RMDN2: variants seen among roughly 807,000 people sequenced by gnomAD.
RMDN2 encodes the protein regulator of microtubule dynamics 2.
Under a neutral mutation model 52.8 loss-of-function variants are expected in RMDN2, and 61 were observed. The observed-to-expected ratio is 1.16, with a 90% CI of 0.94 to 1.43. The LOEUF (loss-of-function observed/expected upper bound fraction) is 1.43, where lower values mean the gene tolerates loss of function less well. Among genes scored for constraint, RMDN2 ranks in the 40% most tolerant of loss-of-function variants. The pLI is 0.00. For synonymous variants in RMDN2, 180 were observed against 153.1 expected (o/e 1.18, Z -1.30); for missense variants, 592 against 475.3 (o/e 1.25, Z -2.28).
intron 4 of RMDN2, among the ~76,000 whole-genome samples, chr2:37,978,015 C>G (rs1386426123): frequency 2.6e-5 from 4 of 152,202 alleles, no homozygotes; most frequent in Admixed American, 2.6e-4. Context: ...CGCCACTGCA[C>G]TCCAGCCTGG....
chr2:38,049,761 G>T (rs1164345681), intron 10 of RMDN2, among the ~76,000 whole-genome samples: 1 of 151,986 alleles, frequency 6.6e-6, no homozygotes, highest in African/African-American at 2.4e-5. Context: ...GTAGAGATGG[G>T]GTCTTGGTAT....
chr2:37,969,883 C>T (rs999299323), intron 2 of RMDN2, among the ~76,000 whole-genome samples: 1 of 151,260 alleles, frequency 6.6e-6, no homozygotes, highest in African/African-American at 2.4e-5. Context: ...TTTTTCTCTC[C>T]TGCTTGCTTC....
downstream of RMDN2, among the ~76,000 whole-genome samples, chr2:38,021,733 G>A (rs1386174023): frequency 2.0e-5 from 3 of 152,162 alleles, no homozygotes; most frequent in African/African-American, 4.8e-5. Context: ...AGGGTTGGCC[G>A]TACAAATCCC....
At chr2:37,986,510 T>C (rs548122061) in intron 5 of RMDN2, among the ~76,000 whole-genome samples, 1 of 152,060 alleles carries the variant, frequency 6.6e-6, no homozygotes, top group Non-Finnish European at 1.5e-5. Flanking sequence ...TTATCTCTCA[T>C]GAATATAGAA....
Position 37,975,233 on chromosome 2 carries a change from A to T in RMDN2, c.649A>T (p.Met217Leu). ...KEKFRDEIEFMWRFARAYGDM... is the reference protein window; with the variant it reads ...KEKFRDEIEFLWRFARAYGDM... ...TCAGTTTAGAGATGAAATAGAGTTT[A>T]TGTGGCGATTTGCTCGTGCTTATGG... The change falls in exon 4 of 11, where the codon ATG (methionine) becomes TTG (leucine). Residue 217 changes from methionine to leucine, a missense_variant. Transcript: ENST00000354545. The T allele has an allele frequency of 1.2e-6, 2 of 1,606,076 alleles. No homozygotes were observed. The highest frequency in any genetic ancestry group is 1.7e-6 in the Non-Finnish European group (2 of 1,172,910).
intron 10 of RMDN2, among the ~76,000 whole-genome samples, chr2:38,014,218 A>G (rs1678418356): frequency 6.6e-6 from 1 of 152,194 alleles, no homozygotes; most frequent in African/African-American, 2.4e-5. Flanking sequence ...GTCGCAAAAA[A>G]AAAATTAATA....
chr2:37,949,076 A>G (rs969856416), intron 2 of RMDN2, among the ~76,000 whole-genome samples: 9 of 152,308 alleles, frequency 5.9e-5, no homozygotes, highest in Admixed American at 5.9e-4. Context: ...GAAAATGACA[A>G]TCAGACCTTA....
At chr2:38,028,909 G>A (rs1384998460) in intron 10 of RMDN2, among the ~76,000 whole-genome samples, 1 of 152,120 alleles carries the variant, frequency 6.6e-6, no homozygotes, top group Non-Finnish European at 1.5e-5. Flanking sequence ...GTTGGAAATT[G>A]CCTCCTGACC....
rs1298972790 is a variant in RMDN2, at chr2:38,055,494, T to A, written c.1714-11488T>A. Among the ~76,000 whole-genome samples the A allele has an allele frequency of 3.9e-5, 6 of 152,310 alleles. No individual in the cohort carries two copies. The East Asian group carries it at 1.2e-3, about 29-fold the overall frequency. ...AAGTAGGAAATTAGTTGTCTCACTT[T>A]GGAGGAAAATCAGAAGCGTAGGAAG... On this transcript the variant is annotated intron_variant, in intron 10 of 10. Coordinates refer to the RMDN2 transcript ENST00000234195.
intron 5 of RMDN2, among the ~76,000 whole-genome samples, chr2:37,987,505 T>C (rs1032547647): frequency 5.9e-5 from 9 of 151,982 alleles, no homozygotes; most frequent in Non-Finnish European, 1.2e-4. Flanking sequence ...ATGGAGACAG[T>C]AAAAGGATCA....
chr2:37,998,906 A>C (rs939436675), intron 8 of RMDN2, among the ~76,000 whole-genome samples: 4 of 152,054 alleles, frequency 2.6e-5, no homozygotes, highest in Admixed American at 6.6e-5. Flanking sequence ...TATCACTCCC[A>C]TTTCTTCACC....
intron 10 of RMDN2, chr2:38,030,868 CTTAAATTATTT>C (rs1325051787): frequency 6.6e-6 from 1 of 152,048 alleles, no homozygotes; most frequent in Non-Finnish European, 1.5e-5. Flanking sequence ...CATACAATGT[CTTAAATTATTT>C]AAAATGTAAT....
At chr2:37,943,944 T>C (rs1275020261) in intron 2 of RMDN2, among the ~76,000 whole-genome samples, 2 of 152,188 alleles carry the variant, frequency 1.3e-5, no homozygotes, top group African/African-American at 4.8e-5. Context: ...GATGGTCATA[T>C]GGTCATGCCA....
At chr2:38,016,979 G>GA (rs926217150) in intron 10 of RMDN2, among the ~76,000 whole-genome samples, 36 of 151,320 alleles carry the variant, frequency 2.4e-4, no homozygotes, top group African/African-American at 8.0e-4. Context: ...TTGTTACAAT[G>GA]AAAAAAAAGA....
intron 2 of RMDN2, chr2:37,952,087 GT>G: frequency 3.1e-6 from 5 of 1,613,034 alleles, no homozygotes; most frequent in Non-Finnish European, 4.2e-6. Flanking sequence ...AAAAATTCTG[GT>G]TGCTTTATCC....
At chr2:37,924,558 G>A (rs1666130273), upstream of RMDN2, among the ~76,000 whole-genome samples, 1 of 151,912 alleles carries the variant, frequency 6.6e-6, no homozygotes, top group Non-Finnish European at 1.5e-5. Context: ...TAGAGACAGG[G>A]GTTTCGCCAC....
intron 10 of RMDN2, among the ~76,000 whole-genome samples, chr2:38,009,159 T>C (rs1474606287): frequency 6.6e-6 from 1 of 152,240 alleles, no homozygotes; most frequent in Non-Finnish European, 1.5e-5. Context: ...ATTTCAACTT[T>C]GGTGAATCTG....
chr2:37,952,529 G>T (rs1218714451), intron 2 of RMDN2: 1 of 405,968 alleles, frequency 2.5e-6, no homozygotes, highest in Non-Finnish European at 4.4e-6. Context: ...AAGCCTTGAT[G>T]TATGGACTTT....
chr2:38,001,392 T>A (rs1293514171), intron 8 of RMDN2, among the ~76,000 whole-genome samples: 1 of 152,222 alleles, frequency 6.6e-6, no homozygotes, highest in Admixed American at 6.5e-5. Flanking sequence ...AAACATTAGC[T>A]AATGCTACCC....
Sources: allele counts gnomAD v4.1 joint callset (sites outside exome capture counted in the v4.1 genomes callset), GRCh38; gene constraint gnomAD v4.1.1; transcripts MANE v1.5; gene names NCBI Gene and HGNC (gene_info 2026-07-23, HGNC 2026-07-21).